PTPRK: variants seen among roughly 807,000 people sequenced by gnomAD.
The protein encoded by PTPRK is receptor-type tyrosine-protein phosphatase kappa.
In PTPRK, 75 loss-of-function variants were observed where a neutral mutation model predicts 178.0. The ratio of observed to expected loss-of-function variants is 0.42; its 90% CI spans 0.35 to 0.51. The LOEUF (loss-of-function observed/expected upper bound fraction) is 0.51, where lower values mean the gene tolerates loss of function less well. Ranked by LOEUF, PTPRK falls within the 20% of genes least tolerant of loss-of-function variation. PTPRK has a pLI of 0.02. For synonymous variants in PTPRK, 637 were observed against 620.6 expected (o/e 1.03, Z -0.39); for missense variants, 1,441 against 1,797.8 (o/e 0.80, Z 3.59).
chr6:127,975,842 T>C (rs1402851879), intron 27 of PTPRK, among the ~76,000 whole-genome samples: 1 of 151,032 alleles, frequency 6.6e-6, no homozygotes, highest in African/African-American at 2.5e-5. Flanking sequence ...CCAGCTAATT[T>C]TTGTATTTTT....
chr6:128,203,948 A>G (rs1806444048), intron 6 of PTPRK, among the ~76,000 whole-genome samples: 1 of 152,230 alleles, frequency 6.6e-6, no homozygotes, highest in Admixed American at 6.5e-5. Context: ...TGGAACCAAA[A>G]AAGATCCTAA....
intron 7 of PTPRK, among the ~76,000 whole-genome samples, chr6:128,128,901 C>A (rs1793788914): frequency 6.6e-6 from 1 of 152,188 alleles, no homozygotes; most frequent in Non-Finnish European, 1.5e-5. Flanking sequence ...TAAATGAGTG[C>A]TGCACAGAAA....
intron 13 of PTPRK, among the ~76,000 whole-genome samples, chr6:128,051,954 G>A (rs566245164): frequency 2.6e-4 from 40 of 151,958 alleles, no homozygotes; most frequent in Admixed American, 1.0e-3. Flanking sequence ...GTTGGCTCAG[G>A]ACAGAAGTTC....
chr6:128,279,600 C>T (rs79348770), intron 3 of PTPRK, among the ~76,000 whole-genome samples: 1,721 of 151,974 alleles, frequency 0.011, 33 homozygotes, highest in African/African-American at 0.039. Flanking sequence ...CCTTTTTTAA[C>T]GTGAAGCCAC....
chr6:128,281,939 G>T (rs1821742531), intron 3 of PTPRK, among the ~76,000 whole-genome samples: 1 of 151,810 alleles, frequency 6.6e-6, no homozygotes. Context: ...ACAGCTAAAA[G>T]AAATTAAAGG....
intron 1 of PTPRK, among the ~76,000 whole-genome samples, chr6:128,495,041 A>C (rs1257285523): frequency 6.6e-6 from 1 of 152,230 alleles, no homozygotes; most frequent in African/African-American, 2.4e-5. Context: ...TAAGAATTTT[A>C]AAAATATTTC....
chr6:128,246,948 C>T (rs1008761615), intron 3 of PTPRK, among the ~76,000 whole-genome samples: 2 of 152,138 alleles, frequency 1.3e-5, no homozygotes, highest in Non-Finnish European at 2.9e-5. Context: ...AGATGGGAAA[C>T]CCTAGAGAAC....
chr6:128,298,250 C>A (rs1375177713), intron 3 of PTPRK, among the ~76,000 whole-genome samples: 1 of 151,928 alleles, frequency 6.6e-6, no homozygotes, highest in Non-Finnish European at 1.5e-5. Flanking sequence ...GCTTACCAAC[C>A]AAAAAGAGTC....
chr6:128,424,065 T>TAAA (rs139100585), intron 1 of PTPRK, among the ~76,000 whole-genome samples: 4 of 112,002 alleles, frequency 3.6e-5, no homozygotes, highest in African/African-American at 9.3e-5. Context: ...CTACAAAAAG[T>TAAA]AAAAAAAAAA....
chr6:128,347,812 TTTTA>T (rs1832615334), intron 2 of PTPRK, among the ~76,000 whole-genome samples: 1 of 152,148 alleles, frequency 6.6e-6, no homozygotes, highest in South Asian at 2.1e-4. Context: ...ATTTCCCACA[TTTTA>T]TTTATTTATA....
intron 1 of PTPRK, among the ~76,000 whole-genome samples, chr6:128,489,949 C>T (rs989844652): frequency 1.3e-5 from 2 of 152,202 alleles, no homozygotes; most frequent in Non-Finnish European, 2.9e-5. Context: ...ATCATTTCTT[C>T]AGGTATGCTG....
chr6:128,215,947 C>A (rs1056947474), intron 6 of PTPRK, among the ~76,000 whole-genome samples: 2 of 151,740 alleles, frequency 1.3e-5, no homozygotes, highest in Non-Finnish European at 2.9e-5. Context: ...GACAGCTGAC[C>A]CCCGAGAGTA....
At chr6:128,114,622 CAAA>C (rs370997908) in intron 7 of PTPRK, among the ~76,000 whole-genome samples, 5 of 59,032 alleles carry the variant, frequency 8.5e-5, no homozygotes, top group East Asian at 5.1e-4. Flanking sequence ...GACTCAGTCT[CAAA>C]AAAAAAAAAA....
rs150846194 is a variant in PTPRK, at chr6:128,397,598, T to C, written c.191A>G (p.Glu64Gly). The C allele has an allele frequency of 1.6e-4, 254 of 1,613,854 alleles. 2 individuals are homozygous for C. The highest frequency in any genetic ancestry group is 1.6e-4 in the Middle Eastern group (1 of 6,084). ...DFEWVHVSAQEPHYLPPEMPQ... is the reference protein window; with the variant it reads ...DFEWVHVSAQGPHYLPPEMPQ... Reference sequence around the variant, plus strand: ...CATCTCGGGTGGTAGATAATGAGGCTCTTGAGCACTAACATGCACCCATTC... The same window carrying C: ...CATCTCGGGTGGTAGATAATGAGGCCCTTGAGCACTAACATGCACCCATTC... The change falls in exon 2 of 30, where the codon GAG (glutamate) becomes GGG (glycine). Residue 64 changes from glutamate (E) to glycine (G), a missense_variant. This residue lies in a region of PTPRK where 158 missense variants were observed against 188.0 expected (regional missense o/e 0.84). Transcript: ENST00000368226.
At chr6:128,408,956 C>T (rs1841994526) in intron 1 of PTPRK, among the ~76,000 whole-genome samples, 1 of 152,122 alleles carries the variant, frequency 6.6e-6, no homozygotes, top group Admixed American at 6.5e-5. Flanking sequence ...TAGGATCTAG[C>T]AATTATTTGG....
At chr6:128,265,692 T>A (rs1487741752) in intron 3 of PTPRK, among the ~76,000 whole-genome samples, 1 of 152,184 alleles carries the variant, frequency 6.6e-6, no homozygotes, top group East Asian at 1.9e-4. Flanking sequence ...GAACTAAGAA[T>A]TGAAATTTGA....
At chr6:127,982,549 C>T (rs923706321) in intron 24 of PTPRK, among the ~76,000 whole-genome samples, 1 of 152,234 alleles carries the variant, frequency 6.6e-6, no homozygotes, top group African/African-American at 2.4e-5. Flanking sequence ...GCTGGGATTG[C>T]AGGCATGAGC....
At chr6:128,178,406 T>C (rs1801410354) in intron 7 of PTPRK, among the ~76,000 whole-genome samples, 2 of 151,900 alleles carry the variant, frequency 1.3e-5, no homozygotes, top group South Asian at 2.1e-4. Context: ...CTTGAATTTA[T>C]CTCCAATCTC....
rs1481628255 is a variant in PTPRK at position 128,464,618 on chromosome 6, TAC to T, written c.100+55639_100+55640del. On this transcript the variant is annotated intron_variant, in intron 1 of 29. Coordinates refer to ENST00000368226, the MANE Select transcript of PTPRK (RefSeq NM_002844.4). The stretch of plus-strand genomic sequence containing the variant: ...TAGTTTAAATATATATATATACATA[TAC>T]ATATATATATATATACACATATATA... 7.2e-3 allele frequency among the ~76,000 whole-genome samples: 651 copies of T among 90,896 alleles called. 5 individuals are homozygous for T. The highest frequency in any genetic ancestry group is 0.011 in the Admixed American group (82 of 7,422). 59.6% of individuals were successfully genotyped at this position (90,896 alleles called of 152,430 possible).
Sources: allele counts gnomAD v4.1 joint callset (sites outside exome capture counted in the v4.1 genomes callset), GRCh38; gene constraint gnomAD v4.1.1; regional missense constraint gnomAD v4.1.1; transcripts MANE v1.5; gene names NCBI Gene and HGNC (gene_info 2026-07-23, HGNC 2026-07-21).